EYS: variants seen among roughly 807,000 people sequenced by gnomAD.
The protein encoded by EYS is protein eyes shut homolog.
Under a neutral mutation model 282.1 loss-of-function variants are expected in EYS, and 250 were observed. That is an observed-to-expected ratio of 0.89 (90% CI 0.80 to 0.98). EYS has a LOEUF of 0.98. Among genes scored for constraint, EYS ranks in the 50% least tolerant of loss-of-function variants. The probability of loss-of-function intolerance (pLI) is 0.00; values close to 1 mark genes in which losing one functional copy is unlikely to be tolerated. For missense variants in EYS, 4,016 were observed against 3,709.0 expected (o/e 1.08, Z -2.15); for synonymous variants, 1,355 against 1,282.9 (o/e 1.06, Z -1.20).
At chr6:63,904,609 G>A (rs1045119594) in intron 35 of EYS, among the ~76,000 whole-genome samples, 5 of 152,098 alleles carry the variant, frequency 3.3e-5, no homozygotes, top group Non-Finnish European at 7.4e-5. Flanking sequence ...GTATTAACTG[G>A]GAACTTAGGC....
At chr6:64,191,790 C>T (rs1195694354) in intron 31 of EYS, among the ~76,000 whole-genome samples, 9 of 151,516 alleles carry the variant, frequency 5.9e-5, no homozygotes, top group Non-Finnish European at 1.2e-4. Flanking sequence ...AGTAAACATA[C>T]GTGTGCATGT....
intron 26 of EYS, among the ~76,000 whole-genome samples, chr6:64,585,884 T>C (rs1453685445): frequency 6.6e-6 from 1 of 152,168 alleles, no homozygotes; most frequent in African/African-American, 2.4e-5. Flanking sequence ...TCAAATATTG[T>C]ATGTAACATT....
Position 64,590,249 on chromosome 6 carries a change from A to C in EYS, c.5618T>G (p.Leu1873Arg), listed in dbSNP as rs750613634. ...AGAAATCATCAGCCGTTGAGGTGCC[A>C]GAATGGATTCCAGTGAAGACAAAGT... Reference protein sequence around the residue: ...SLTLSSLESILAPQRLMISDF... With the variant: ...SLTLSSLESIRAPQRLMISDF... Residue 1873 changes from leucine (L) to arginine (R), a missense_variant, in exon 26 of 43, where the codon CTG (leucine) becomes CGG (arginine). Coordinates refer to ENST00000503581, the MANE Select transcript of EYS (RefSeq NM_001142800.2). The C allele has an allele frequency of 3.6e-5, 55 of 1,548,422 alleles. No homozygotes were observed. Among genetic ancestry groups the C allele is most frequent in the Non-Finnish European group, 4.5e-5 (51 of 1,145,364 alleles).
intron 22 of EYS, among the ~76,000 whole-genome samples, chr6:64,707,003 A>G (rs1771041935): frequency 6.6e-6 from 1 of 152,144 alleles, no homozygotes; most frequent in Non-Finnish European, 1.5e-5. Flanking sequence ...AGATACTTGC[A>G]CACACGTTTA....
chr6:65,076,888 A>G (rs896238467), intron 12 of EYS, among the ~76,000 whole-genome samples: 5 of 152,016 alleles, frequency 3.3e-5, no homozygotes, highest in African/African-American at 1.2e-4. Flanking sequence ...TCACCCAGGT[A>G]TCACCTCCCA....
At chr6:64,742,158 T>C (rs1435692935) in intron 22 of EYS, among the ~76,000 whole-genome samples, 2 of 152,088 alleles carry the variant, frequency 1.3e-5, no homozygotes, top group African/African-American at 2.4e-5. Flanking sequence ...TATAGGGTTA[T>C]TAATTGGCTT....
intron 26 of EYS, among the ~76,000 whole-genome samples, chr6:64,493,285 A>C (rs1281933174): frequency 6.6e-6 from 1 of 151,526 alleles, no homozygotes; most frequent in Admixed American, 6.6e-5. Context: ...AAATGATTAA[A>C]TATAAGAAAT....
chr6:64,377,853 A>G (rs1373526450), intron 29 of EYS: 2 of 152,118 alleles, frequency 1.3e-5, no homozygotes, highest in Non-Finnish European at 2.9e-5. Context: ...AAATCCTCAT[A>G]CCATCACTGC....
At chr6:64,309,447 C>A (rs1769586302) in intron 29 of EYS, among the ~76,000 whole-genome samples, 1 of 152,050 alleles carries the variant, frequency 6.6e-6, no homozygotes, top group Non-Finnish European at 1.5e-5. Flanking sequence ...TGAGTAAATT[C>A]AAAATTTCTT....
intron 36 of EYS, among the ~76,000 whole-genome samples, chr6:63,853,886 G>A (rs1435316979): frequency 9.9e-5 from 15 of 152,116 alleles, no homozygotes; most frequent in South Asian, 2.1e-4. Flanking sequence ...AATGGGGAAA[G>A]GATTCCTTAT....
At chr6:65,649,195 T>C (rs1400778645) in intron 1 of EYS, among the ~76,000 whole-genome samples, 2 of 151,524 alleles carry the variant, frequency 1.3e-5, no homozygotes, top group Admixed American at 1.3e-4. Flanking sequence ...AAATTGACAT[T>C]ACTTGCAAGA....
intron 19 of EYS, among the ~76,000 whole-genome samples, chr6:64,858,766 T>C (rs1766147271): frequency 6.6e-6 from 1 of 152,144 alleles, no homozygotes; most frequent in African/African-American, 2.4e-5. Context: ...AAAAACCTCA[T>C]GTTAAAATTC....
At chr6:65,385,473 C>T (rs1355840377) in intron 7 of EYS, among the ~76,000 whole-genome samples, 2 of 151,894 alleles carry the variant, frequency 1.3e-5, no homozygotes, top group African/African-American at 4.8e-5. Flanking sequence ...TTTCTCCATT[C>T]ATATCAGAAA....
intron 19 of EYS, among the ~76,000 whole-genome samples, chr6:64,851,353 C>T (rs1300726534): frequency 2.6e-5 from 4 of 151,968 alleles, no homozygotes; most frequent in South Asian, 2.1e-4. Flanking sequence ...CATGCCTATC[C>T]CACCATAAAA....
chr6:64,908,949 A>T (rs532610622), intron 16 of EYS, among the ~76,000 whole-genome samples: 1 of 152,300 alleles, frequency 6.6e-6, no homozygotes, highest in African/African-American at 2.4e-5. Context: ...AATTTAACTT[A>T]TAGCTTGGCT....
chr6:64,594,567 C>T (rs1766516378), intron 24 of EYS, among the ~76,000 whole-genome samples: 1 of 151,854 alleles, frequency 6.6e-6, no homozygotes, highest in Non-Finnish European at 1.5e-5. Flanking sequence ...TGGAAACCAT[C>T]ATTCTCAGCA....
chr6:64,382,646 T>G (rs531011101), intron 29 of EYS, among the ~76,000 whole-genome samples: 1 of 152,272 alleles, frequency 6.6e-6, no homozygotes, highest in African/African-American at 2.4e-5. Context: ...TAGAAGAAAC[T>G]ATGATTAAAT....
intron 13 of EYS, among the ~76,000 whole-genome samples, chr6:65,032,281 T>G (rs1772629493): frequency 6.6e-6 from 1 of 152,160 alleles, no homozygotes; most frequent in South Asian, 2.1e-4. Context: ...CATGACCAGA[T>G]GTATTCAGAG....
At chr6:65,353,363 A>G (rs1764357697) in intron 9 of EYS, 95 bp downstream of exon 9, 1 of 1,044,420 alleles carries the variant, frequency 9.6e-7, no homozygotes, top group Non-Finnish European at 1.5e-6. Context: ...ACGTTTTGAG[A>G]TATAAAATAC....
Sources: allele counts gnomAD v4.1 joint callset (sites outside exome capture counted in the v4.1 genomes callset), GRCh38; gene constraint gnomAD v4.1.1; transcripts MANE v1.5; gene names NCBI Gene and HGNC (gene_info 2026-07-23, HGNC 2026-07-21).